DOCK1: variants seen among roughly 807,000 people sequenced by gnomAD.
DOCK1 encodes the protein dedicator of cytokinesis protein 1.
In DOCK1, 138 loss-of-function variants were observed where a neutral mutation model predicts 262.7. The ratio of observed to expected loss-of-function variants is 0.53; its 90% CI spans 0.46 to 0.61. DOCK1 has a LOEUF of 0.61. Ranked by LOEUF, DOCK1 falls within the 20% of genes least tolerant of loss-of-function variation. DOCK1 has a pLI of 0.00. For synonymous variants in DOCK1, 866 were observed against 867.4 expected, an observed-to-expected ratio of 1.00 and a Z score of 0.03; for missense variants, 1,908 against 2,370.7, an observed-to-expected ratio of 0.80 and a Z score of 4.05.
intron 27 of DOCK1, among the ~76,000 whole-genome samples, chr10:127,167,509 C>T (rs941819531): frequency 3.3e-5 from 5 of 152,046 alleles, no homozygotes; most frequent in African/African-American, 7.2e-5. Context: ...GGTTCCCCCC[C>T]GCCCCGAAAC....
intron 27 of DOCK1, among the ~76,000 whole-genome samples, chr10:127,245,587 T>C (rs1265582212): frequency 6.6e-6 from 1 of 152,262 alleles, no homozygotes; most frequent in East Asian, 1.9e-4. Flanking sequence ...TTTCGTTTTC[T>C]GTGTTACAAC....
At chr10:126,942,456 A>C (rs1251382448) in intron 1 of DOCK1, among the ~76,000 whole-genome samples, 1 of 152,154 alleles carries the variant, frequency 6.6e-6, no homozygotes, top group Non-Finnish European at 1.5e-5. Context: ...GAAGCTGTGC[A>C]CTGGATTCAT....
chr10:127,313,901 G>A (rs904018541), intron 29 of DOCK1, among the ~76,000 whole-genome samples: 1 of 152,142 alleles, frequency 6.6e-6, no homozygotes, highest in African/African-American at 2.4e-5. Context: ...TTTGATCCGG[G>A]CCTGTGTGTG....
At chr10:126,925,082 T>C (rs779186994) in intron 1 of DOCK1, among the ~76,000 whole-genome samples, 14 of 152,240 alleles carry the variant, frequency 9.2e-5, no homozygotes, top group Non-Finnish European at 1.8e-4. Context: ...CTATCACTGA[T>C]CTAGTCATGA....
At chr10:127,438,863 G>A (rs928353121) in intron 48 of DOCK1, among the ~76,000 whole-genome samples, 164 bp from the exon 49 acceptor site, 4 of 152,212 alleles carry the variant, frequency 2.6e-5, no homozygotes, top group Non-Finnish European at 5.9e-5. Flanking sequence ...TTGAAACACA[G>A]TCCTTGCATC....
intron 27 of DOCK1, among the ~76,000 whole-genome samples, chr10:127,231,213 T>G (rs1203281242): frequency 6.6e-6 from 1 of 151,622 alleles, no homozygotes; most frequent in Non-Finnish European, 1.5e-5. Flanking sequence ...CAAACTCTCT[T>G]TAGCGAATGG....
rs551090664 is a variant in DOCK1, at chr10:127,270,452, G to A, written c.3044+13023G>A. Among the ~76,000 whole-genome samples the A allele has an allele frequency of 5.3e-5, 8 of 151,764 alleles. No individual in the cohort carries two copies. In the South Asian group the frequency reaches 8.3e-4, roughly 16 times the overall value. On this transcript the variant is annotated intron_variant, in intron 29 of 51. Transcript: ENST00000623213. ...ACATTCTTCCCATTCTATTGATTTC[G>A]TGCTCCACTGAATGAATCACAGCTG...
intron 14 of DOCK1, 94 bp from the exon 15 acceptor site, chr10:127,024,591 G>A: frequency 9.5e-7 from 1 of 1,051,402 alleles, no homozygotes; most frequent in Middle Eastern, 2.6e-4. Flanking sequence ...GGTGTTCTTG[G>A]AGCGTACCTG....
intron 12 of DOCK1, among the ~76,000 whole-genome samples, chr10:127,017,844 T>G (rs1240947855): frequency 6.6e-6 from 1 of 152,204 alleles, no homozygotes; most frequent in Non-Finnish European, 1.5e-5. Context: ...AGCCCCTGCC[T>G]GCCCCGCCTT....
intron 47 of DOCK1, among the ~76,000 whole-genome samples, chr10:127,427,619 T>C (rs1365761806): frequency 6.6e-6 from 1 of 152,120 alleles, no homozygotes. Context: ...TCAAGCCCTA[T>C]CCATGTACCT....
At chr10:126,936,568 C>A (rs2034570130) in intron 1 of DOCK1, among the ~76,000 whole-genome samples, 1 of 152,160 alleles carries the variant, frequency 6.6e-6, no homozygotes, top group Non-Finnish European at 1.5e-5. Flanking sequence ...AGTACAAAAA[C>A]TGGTGACAGT....
At chr10:127,242,009 G>A (rs764976287) in intron 27 of DOCK1, among the ~76,000 whole-genome samples, 2 of 152,100 alleles carry the variant, frequency 1.3e-5, no homozygotes, top group Non-Finnish European at 2.9e-5. Context: ...CCTTCCTTGG[G>A]TTTTGCACCA....
intron 28 of DOCK1, among the ~76,000 whole-genome samples, chr10:127,254,392 C>G (rs2059762448): frequency 6.6e-6 from 1 of 152,126 alleles, no homozygotes; most frequent in Non-Finnish European, 1.5e-5. Flanking sequence ...GTTCTGCAAA[C>G]CAGAAGCTTG....
Position 127,048,883 on chromosome 10 carries a change from C to T in DOCK1, c.2202-3798C>T, listed in dbSNP as rs115555508. Among the ~76,000 whole-genome samples, 1,124 of 152,232 alleles carry T rather than the reference C, an allele frequency of 7.4e-3. 17 individuals are homozygous for T. The highest frequency in any genetic ancestry group is 0.025 in the African/African-American group (1,053 of 41,526). On this transcript the variant is annotated intron_variant, in intron 21 of 51. Transcript: ENST00000623213. ...TCCTTGATCTGATAAAGCTCATCTACGAAAAGTCATAGCTAACCTTATACA... is the reference window on the plus strand; with the variant it reads ...TCCTTGATCTGATAAAGCTCATCTATGAAAAGTCATAGCTAACCTTATACA...
intron 1 of DOCK1, among the ~76,000 whole-genome samples, chr10:126,914,873 GTC>G (rs2032277831): frequency 6.6e-6 from 1 of 152,218 alleles, no homozygotes; most frequent in Admixed American, 6.5e-5. Context: ...GCCATTCAGA[GTC>G]TCTGGCTCCT....
In DOCK1 at chr10:127,385,182, G is replaced by A. The variant is rs562955579; in HGVS notation, c.3927+273G>A. The stretch of plus-strand genomic sequence containing the variant: ...GGAACTAAGTCTGGAACACTGATTC[G>A]GAGGTGTTTCCGTGCCCACAGAGCT... On this transcript the variant is annotated intron_variant, in intron 38 of 51. Coordinates refer to ENST00000623213, the MANE Select transcript of DOCK1 (RefSeq NM_001290223.2). Among the ~76,000 whole-genome samples the A allele has an allele frequency of 5.9e-5, 9 of 152,264 alleles. No homozygotes were observed. In the South Asian group the frequency reaches 1.0e-3, roughly 18 times the overall value.
chr10:127,045,255 C>T (rs2044272846), intron 21 of DOCK1, among the ~76,000 whole-genome samples: 2 of 144,578 alleles, frequency 1.4e-5, no homozygotes, highest in Middle Eastern at 7.5e-3. Context: ...ATGGAATCTG[C>T]TGAAAAAGAA....
chr10:126,979,462 C>A (rs1307569771), intron 3 of DOCK1, among the ~76,000 whole-genome samples: 1 of 152,184 alleles, frequency 6.6e-6, no homozygotes, highest in Non-Finnish European at 1.5e-5. Flanking sequence ...ATATGCCCCT[C>A]CCCCATCACA....
intron 12 of DOCK1, chr10:127,018,496 C>T (rs1312498902): frequency 3.2e-6 from 2 of 625,234 alleles, no homozygotes; most frequent in Admixed American, 2.9e-5. Flanking sequence ...GTGAGTCACC[C>T]TAGGGCAGGG....
Sources: allele counts gnomAD v4.1 joint callset (sites outside exome capture counted in the v4.1 genomes callset), GRCh38; gene constraint gnomAD v4.1.1; transcripts MANE v1.5; gene names NCBI Gene and HGNC (gene_info 2026-07-23, HGNC 2026-07-21).